PNPLA7: variants seen among roughly 807,000 people sequenced by gnomAD.
PNPLA7 encodes the protein patatin like domain 7, lysophospholipase.
A neutral mutation model predicts 161.7 loss-of-function variants in PNPLA7; 153 were observed. The ratio of observed to expected loss-of-function variants is 0.95; its 90% CI spans 0.83 to 1.08. The LOEUF (loss-of-function observed/expected upper bound fraction) is 1.08, where lower values mean the gene tolerates loss of function less well. Among genes scored for constraint, PNPLA7 ranks in the 50% least tolerant of loss-of-function variants. The pLI, the probability that PNPLA7 is intolerant of heterozygous loss-of-function variation, is 0.00. For missense variants in PNPLA7, 1,739 were observed against 1,856.6 expected (o/e 0.94, Z 1.16); for synonymous variants, 809 against 782.1 (o/e 1.03, Z -0.57).
chr9:137,505,599 G>A lies in PNPLA7; in HGVS notation c.1473+15C>T, dbSNP rs201797926. On this transcript the variant is annotated intron_variant, in intron 14 of 34. Transcript: ENST00000406427. ...TGGGTGGGACAAGGGCCAGGTGCCC[G>A]CCGGGGCCACTCACTTCCAGCTTCA... 25 of 1,613,146 alleles carry A rather than the reference G, an allele frequency of 1.5e-5. No homozygotes were observed. Among genetic ancestry groups the A allele is most frequent in the Admixed American group, 1.2e-4 (7 of 60,002 alleles).
chr9:137,526,269 A>T (rs1386941942), intron 8 of PNPLA7, among the ~76,000 whole-genome samples: 2 of 151,466 alleles, frequency 1.3e-5, no homozygotes, highest in Non-Finnish European at 2.9e-5. Flanking sequence ...GGGTCTCTTG[A>T]CTGTTTTGAC....
At chr9:137,546,505 C>A (rs1193404926) in intron 4 of PNPLA7, among the ~76,000 whole-genome samples, 1 of 152,220 alleles carries the variant, frequency 6.6e-6, no homozygotes, top group Non-Finnish European at 1.5e-5. Flanking sequence ...CTGGGCCCTA[C>A]AGGCCTTCCC....
rs1170669457 is a variant in PNPLA7, at chr9:137,547,220, AG to A, written c.193+88del. Reference sequence around the variant, plus strand: ...TCTAGCCAAAGCCACCATGCGCTTGAGGGCCCCTCCCAGGGGCTCAAAACAC... The same window carrying A: ...TCTAGCCAAAGCCACCATGCGCTTGAGGCCCCTCCCAGGGGCTCAAAACAC... On this transcript the variant is annotated intron_variant, in intron 3 of 34. Coordinates refer to ENST00000406427, the MANE Select transcript of PNPLA7 (RefSeq NM_001098537.3). This position sits in a 1 kb window ranked among gnomAD's most constrained non-coding sequence, Gnocchi z 4.6. The A allele has an allele frequency of 2.4e-6, 3 of 1,270,556 alleles. No homozygotes were observed. Among genetic ancestry groups the A allele is most frequent in the Non-Finnish European group, 3.4e-6 (3 of 874,892 alleles). 78.7% of individuals were successfully genotyped at this position (1,270,556 alleles called of 1,614,324 possible).
At chr9:137,480,901 A>G (rs1394697062) in intron 22 of PNPLA7, 59 bp downstream of exon 22, 9 of 1,501,878 alleles carry the variant, frequency 6.0e-6, no homozygotes, top group Non-Finnish European at 8.2e-6. Context: ...CAGTGGGGAC[A>G]CATCTCAGGG....
Position 137,550,156 on chromosome 9 carries a change from C to T in PNPLA7, c.30+12G>A, listed in dbSNP as rs774820001. 9.6e-5 allele frequency: 155 copies of T among 1,612,704 alleles called. No homozygotes were observed. The highest frequency in any genetic ancestry group is 1.6e-4 in the Middle Eastern group (1 of 6,072). ...TGGGAAATCCAGGCATCTGGTCCCC[C>T]GAGTTACATACCTGTGGGCTGTCAT... On this transcript the variant is annotated intron_variant, in intron 1 of 34. Coordinates refer to ENST00000406427, the MANE Select transcript of PNPLA7 (RefSeq NM_001098537.3).
intron 25 of PNPLA7, among the ~76,000 whole-genome samples, chr9:137,470,361 G>A (rs888007398): frequency 4.1e-4 from 62 of 152,006 alleles, no homozygotes; most frequent in African/African-American, 1.4e-3. Flanking sequence ...TTCCTTATAC[G>A]TTTCATAAAA....
intron 12 of PNPLA7, among the ~76,000 whole-genome samples, chr9:137,514,490 G>C (rs545091895): frequency 7.2e-6 from 1 of 138,480 alleles, no homozygotes; most frequent in South Asian, 2.3e-4. Flanking sequence ...CCCTGTGGCC[G>C]GGTCACCTGA....
intron 9 of PNPLA7, among the ~76,000 whole-genome samples, chr9:137,521,976 A>G (rs753891139): frequency 1.3e-4 from 20 of 152,242 alleles, no homozygotes; most frequent in Non-Finnish European, 2.8e-4. Context: ...GTTACTCCAA[A>G]GTGAGAAGTT....
At chr9:137,478,404 T>G (rs2132132032) in intron 24 of PNPLA7, 9 of 318,876 alleles carry the variant, frequency 2.8e-5, no homozygotes, top group East Asian at 9.8e-5. Context: ...TGGGCCCGGG[T>G]GGGGGGCCAG....
intron 25 of PNPLA7, among the ~76,000 whole-genome samples, chr9:137,469,457 C>T (rs988808653): frequency 6.6e-6 from 1 of 152,096 alleles, no homozygotes; most frequent in African/African-American, 2.4e-5. Context: ...CATGATAAAT[C>T]CTAACATAAA....
At chr9:137,516,505 C>T (rs2132436036) in intron 11 of PNPLA7, 10 of 985,348 alleles carry the variant, frequency 1.0e-5, no homozygotes, top group Non-Finnish European at 1.2e-5. Flanking sequence ...GGCAATGACA[C>T]ATACTCTAAA....
intron 8 of PNPLA7, among the ~76,000 whole-genome samples, chr9:137,530,212 G>A (rs933077121): frequency 3.3e-5 from 5 of 152,058 alleles, no homozygotes; most frequent in Admixed American, 6.6e-5. Context: ...TGATCTGCCC[G>A]CCTCGGCCTC....
At position 137,464,211 on chromosome 9, in the gene PNPLA7, G is replaced by C; in HGVS notation, c.3157-16C>G. ...TCCACAGGTCCTGCGGGCGGACGGG[G>C]CTCAGATGGGCCCTCTCCCATCACG... On this transcript the variant is annotated splice_polypyrimidine_tract_variant and intron_variant, in intron 27 of 34. Transcript: ENST00000406427. 6.2e-7 allele frequency: 1 copy of C among 1,613,556 alleles called. No homozygotes were observed. Among genetic ancestry groups the C allele is most frequent in the Non-Finnish European group, 8.5e-7 (1 of 1,179,862 alleles).
intron 26 of PNPLA7, 196 bp from the exon 27 acceptor site, chr9:137,464,652 T>C: frequency 1.7e-6 from 1 of 598,536 alleles, no homozygotes; most frequent in Non-Finnish European, 3.0e-6. Context: ...CCCCAGGGCC[T>C]GAAAGCCAGG....
chr9:137,464,379 G>A lies in PNPLA7; in HGVS notation c.3117C>T (p.Asn1039=), dbSNP rs1192689685. 1 of 1,614,002 alleles carries A rather than the reference G, an allele frequency of 6.2e-7. No individual in the cohort carries two copies. The highest frequency in any genetic ancestry group is 2.2e-5 in the East Asian group (1 of 44,884). Residue 1039 remains asparagine (N), a synonymous_variant, in exon 27 of 35, where the codon AAC becomes AAT. Coordinates refer to ENST00000406427, the MANE Select transcript of PNPLA7 (RefSeq NM_001098537.3). ...CCTTGAAGACGCTGAAGATGCTGCT[G>A]TTGAAGCCGGCTCCGGAGAACATGG... is the stretch of plus-strand genomic sequence containing the variant. ...ITSMFSGAGF[N]SSIFSVFKDQ... is the part of the protein sequence containing the mutation.
Position 137,547,707 on chromosome 9 carries a change from C to T in PNPLA7, c.31-48G>A. The T allele has an allele frequency of 6.4e-7, 1 of 1,574,744 alleles. No individual in the cohort carries two copies. The highest frequency in any genetic ancestry group is 2.2e-5 in the East Asian group (1 of 44,670). On this transcript the variant is annotated intron_variant, in intron 1 of 34. Transcript: ENST00000406427. This position sits in a 1 kb window ranked among gnomAD's most constrained non-coding sequence, Gnocchi z 4.6. ...AGGTGGGCATGGACAGGCTTCCCAG[C>T]CCGAACTTGTTCAGAGCAGCAGGAG... is the stretch of plus-strand genomic sequence containing the variant.
chr9:137,550,137 A>T (rs1836772914), intron 1 of PNPLA7, 31 bp downstream of exon 1: 2 of 1,612,508 alleles, frequency 1.2e-6, no homozygotes, highest in Non-Finnish European at 1.7e-6. Flanking sequence ...CAACTGGGAA[A>T]TCCAGGCATC....
intron 14 of PNPLA7, 81 bp downstream of exon 14, chr9:137,505,533 G>C: frequency 6.5e-7 from 1 of 1,538,430 alleles, no homozygotes; most frequent in Non-Finnish European, 8.9e-7. Flanking sequence ...TCCACACCTG[G>C]AACCACTGCC....
chr9:137,545,590 T>C (rs1327780285), intron 4 of PNPLA7, among the ~76,000 whole-genome samples: 1 of 152,248 alleles, frequency 6.6e-6, no homozygotes, highest in Non-Finnish European at 1.5e-5. Flanking sequence ...AGAATAGTTA[T>C]ACTACATATA....
Sources: gnomAD v4.1 joint callset for allele counts (sites outside exome capture counted in the v4.1 genomes callset) on GRCh38, gnomAD v4.1.1 for gene constraint, Gnocchi (gnomAD v3.1) non-coding constraint, MANE v1.5 for transcripts, NCBI Gene and HGNC (gene_info 2026-07-23, HGNC 2026-07-21) for gene names.